Variants in GBF1 observed in about 807,000 individuals in gnomAD.
The protein encoded by GBF1 is golgi brefeldin A resistant guanine nucleotide exchange factor 1.
A neutral mutation model predicts 210.5 loss-of-function variants in GBF1; 114 were observed. The observed-to-expected ratio is 0.54, with a 90% CI of 0.47 to 0.63. The LOEUF is 0.63. Ranked by LOEUF, GBF1 falls within the 30% of genes least tolerant of loss-of-function variation. The probability of loss-of-function intolerance (pLI) is 0.00; values close to 1 mark genes in which losing one functional copy is unlikely to be tolerated. For missense variants in GBF1, 1,851 were observed against 2,357.7 expected, an observed-to-expected ratio of 0.79 and a Z score of 4.45; for synonymous variants, 850 against 889.2, an observed-to-expected ratio of 0.96 and a Z score of 0.78.
chr10:102,242,928 CAA>C (rs58301527), upstream of GBF1, among the ~76,000 whole-genome samples: 1,208 of 132,368 alleles, frequency 9.1e-3, 17 homozygotes, highest in African/African-American at 0.032. Flanking sequence ...GACTCTGTCT[CAA>C]AAAAAAAAAA....
At chr10:102,348,481 T>G (rs1404201880) in intron 4 of GBF1, among the ~76,000 whole-genome samples, 2 of 152,218 alleles carry the variant, frequency 1.3e-5, no homozygotes, top group Non-Finnish European at 2.9e-5. Flanking sequence ...AAGGCTACTA[T>G]TCACTTATCT....
At chr10:102,282,137 G>A (rs552127073) in intron 3 of GBF1, among the ~76,000 whole-genome samples, 31 of 150,440 alleles carry the variant, frequency 2.1e-4, no homozygotes, top group East Asian at 1.8e-3. Context: ...GGGTTTCACC[G>A]TGTTAGCCAG....
chr10:102,373,900 A>G (rs1401101426), intron 29 of GBF1, among the ~76,000 whole-genome samples: 1 of 152,246 alleles, frequency 6.6e-6, no homozygotes, highest in Non-Finnish European at 1.5e-5. Context: ...ATAGGTGAAT[A>G]AACTGTGGTA....
chr10:102,247,013 G>A (rs1031504726), intron 1 of GBF1, among the ~76,000 whole-genome samples: 4 of 152,160 alleles, frequency 2.6e-5, no homozygotes, highest in Non-Finnish European at 5.9e-5. Context: ...TATGTAGTGG[G>A]CACTCAATAA....
the GBF1 span, among the ~76,000 whole-genome samples, chr10:102,239,808 A>G: frequency 6.6e-6 from 1 of 152,226 alleles, no homozygotes; most frequent in Non-Finnish European, 1.5e-5. Flanking sequence ...AATTGGGGTC[A>G]GGGTGGATGG....
chr10:102,379,369 G>A lies in GBF1; in HGVS notation c.4580G>A (p.Gly1527Asp). The A allele has an allele frequency of 6.2e-7, 1 of 1,614,102 alleles. No homozygotes were observed. Among genetic ancestry groups the A allele is most frequent in the Non-Finnish European group, 8.5e-7 (1 of 1,180,016 alleles). The part of the protein sequence containing the change: ...WAEEQRHLET[G>D]GQKIEADSRT... ...GAGGAGCAACGCCACCTGGAGACAG[G>A]TGGCCAGAAGATTGAAGCTGATTCT... Residue 1527 changes from glycine to aspartate, a missense_variant, in exon 34 of 40, where the codon GGT (glycine) becomes GAT (aspartate). Coordinates refer to ENST00000369983, the MANE Select transcript of GBF1 (RefSeq NM_001377137.1).
chr10:102,346,582 C>T (rs1043361440), intron 4 of GBF1, among the ~76,000 whole-genome samples: 6 of 152,208 alleles, frequency 3.9e-5, no homozygotes, highest in African/African-American at 1.4e-4. Flanking sequence ...AATCACGGCT[C>T]ACTGCAGCCT....
intron 3 of GBF1, among the ~76,000 whole-genome samples, chr10:102,289,422 T>C (rs986871454): frequency 6.6e-5 from 10 of 152,098 alleles, no homozygotes; most frequent in Non-Finnish European, 1.3e-4. Context: ...AGAATCAGTT[T>C]ACTTTTTCAA....
At chr10:102,359,778 C>CTT (rs57877868) in intron 11 of GBF1, among the ~76,000 whole-genome samples, 50 of 139,278 alleles carry the variant, frequency 3.6e-4, no homozygotes, top group Admixed American at 5.8e-4. Flanking sequence ...AATCCTTTTC[C>CTT]TTTTTTTTTT....
chr10:102,367,555 C>T lies in GBF1; in HGVS notation c.2637C>T (p.Ala879=), dbSNP rs151014121. The change falls in exon 21 of 40, where the codon GCC becomes GCT. Residue 879 remains alanine, a synonymous_variant. Coordinates refer to ENST00000369983, the MANE Select transcript of GBF1 (RefSeq NM_001377137.1). ...ACATCCTGGAGGACATGTACCATGC[C>T]ATCAAGTGAGTATACATAGAGAATA... ...EQDILEDMYH[A]IKNEEIVMPE... 446 of 1,534,722 alleles carry T rather than the reference C, an allele frequency of 2.9e-4. 2 individuals are homozygous for T. In the African/African-American group the frequency reaches 5.3e-3, roughly 18 times the overall value.
intron 3 of GBF1, among the ~76,000 whole-genome samples, chr10:102,273,400 G>A (rs1274243687): frequency 6.6e-6 from 1 of 152,162 alleles, no homozygotes; most frequent in Non-Finnish European, 1.5e-5. Flanking sequence ...AGAAAGATAA[G>A]TATTGTTTTT....
chr10:102,292,028 TA>T (rs1472531047), intron 3 of GBF1, among the ~76,000 whole-genome samples: 39 of 151,868 alleles, frequency 2.6e-4, no homozygotes, highest in Admixed American at 2.2e-3. Context: ...TAGCTGGGAC[TA>T]CAGGCGCCCA....
At chr10:102,308,121 A>C (rs2078074230) in intron 3 of GBF1, among the ~76,000 whole-genome samples, 1 of 151,246 alleles carries the variant, frequency 6.6e-6, no homozygotes, top group African/African-American at 2.4e-5. Context: ...ATTTCTAAGA[A>C]TATGCCCAGC....
chr10:102,296,143 C>T (rs1463218060), intron 3 of GBF1, among the ~76,000 whole-genome samples: 1 of 152,130 alleles, frequency 6.6e-6, no homozygotes, highest in Non-Finnish European at 1.5e-5. Context: ...CAGCTTGTTT[C>T]ACAGAAGAAA....
At chr10:102,295,123 A>C (rs998927377) in intron 3 of GBF1, among the ~76,000 whole-genome samples, 5 of 152,204 alleles carry the variant, frequency 3.3e-5, no homozygotes, top group African/African-American at 1.2e-4. Context: ...TTAGTTTTTC[A>C]GATTAAAGGA....
At chr10:102,268,735 G>A (rs1253171247) in intron 3 of GBF1, among the ~76,000 whole-genome samples, 1 of 152,168 alleles carries the variant, frequency 6.6e-6, no homozygotes, top group South Asian at 2.1e-4. Flanking sequence ...TGAAGAGTTT[G>A]TCTCAGCCTT....
At chr10:102,331,973 C>T (rs1313286738) in intron 3 of GBF1, among the ~76,000 whole-genome samples, 1 of 149,540 alleles carries the variant, frequency 6.7e-6, no homozygotes, top group Non-Finnish European at 1.5e-5. Context: ...GATTCTTCTG[C>T]CTCAGCCTCC....
At chr10:102,298,265 G>T (rs1252386422) in intron 3 of GBF1, among the ~76,000 whole-genome samples, 4 of 152,102 alleles carry the variant, frequency 2.6e-5, no homozygotes, top group African/African-American at 9.7e-5. Context: ...TATTCTAGAT[G>T]TCGACTAGTA....
chr10:102,372,974 T>C (rs1337886263), intron 29 of GBF1, among the ~76,000 whole-genome samples: 1 of 152,132 alleles, frequency 6.6e-6, no homozygotes, highest in Non-Finnish European at 1.5e-5. Context: ...GACTTGACAT[T>C]AAAAGCACAA....
Sources: allele counts gnomAD v4.1 joint callset (sites outside exome capture counted in the v4.1 genomes callset), GRCh38; gene constraint gnomAD v4.1.1; transcripts MANE v1.5; gene names NCBI Gene and HGNC (gene_info 2026-07-23, HGNC 2026-07-21).